PALM: variants seen among roughly 807,000 people sequenced by gnomAD.
PALM encodes paralemmin.
Under a neutral mutation model 30.7 loss-of-function variants are expected in PALM, and 18 were observed. The ratio of observed to expected loss-of-function variants is 0.59; its 90% CI spans 0.41 to 0.87. The LOEUF (loss-of-function observed/expected upper bound fraction) is 0.87. Ranked by LOEUF, PALM falls within the 40% of genes least tolerant of loss-of-function variation. The probability of loss-of-function intolerance (pLI) is 0.00; values close to 1 mark genes in which losing one functional copy is unlikely to be tolerated. For missense variants in PALM, 529 were observed against 555.4 expected (o/e 0.95, Z 0.48); for synonymous variants, 286 against 242.8 (o/e 1.18, Z -1.66).
chr19:740,579 A>C, intron 8 of PALM, 96 bp downstream of exon 8: 1 of 1,162,626 alleles, frequency 8.6e-7, no homozygotes, highest in Non-Finnish European at 1.2e-6. Flanking sequence ...CCCCGGAATC[A>C]GGACCCCGAT....
At chr19:713,825 G>T (rs1193617637) in intron 1 of PALM, among the ~76,000 whole-genome samples, 1 of 151,880 alleles carries the variant, frequency 6.6e-6, no homozygotes, top group East Asian at 1.9e-4. Context: ...CAAGTGATCC[G>T]CCTGCCTCAG....
intron 8 of PALM, among the ~76,000 whole-genome samples, chr19:745,994 C>G (rs1415662380): frequency 1.3e-5 from 2 of 151,888 alleles, no homozygotes; most frequent in Non-Finnish European, 2.9e-5. Context: ...GGAGGTGGAG[C>G]TTGCAGTGAG....
At chr19:731,898 G>A (rs1264066775) in intron 5 of PALM, among the ~76,000 whole-genome samples, 1 of 151,954 alleles carries the variant, frequency 6.6e-6, no homozygotes, top group Non-Finnish European at 1.5e-5. Flanking sequence ...CTGACCTCAG[G>A]TGATCCACCC....
At chr19:736,226 C>T (rs1050762991) in intron 7 of PALM, 148 bp downstream of exon 7, 5 of 573,706 alleles carry the variant, frequency 8.7e-6, no homozygotes, top group African/African-American at 3.9e-5. Context: ...GCAGCTGGAC[C>T]GAGGCCGAGG....
rs1483528943 is a variant in PALM at position 709,169 on chromosome 19, G to C, written c.5+18G>C. On this transcript the variant is annotated intron_variant, in intron 1 of 8. Transcript: ENST00000338448. The surrounding 1 kb of genome is among the most constrained non-coding windows in gnomAD (Gnocchi z 4.3). ...GAGATGGAGTGAGTAGGCGCGCTCG[G>C]GCCGCGGGGCTGGGGGCCCGGAGCT... 13 of 323,552 alleles carry C rather than the reference G, an allele frequency of 4.0e-5. No homozygotes were observed. Among genetic ancestry groups the C allele is most frequent in the Non-Finnish European group, 1.1e-5 (2 of 177,772 alleles). 20.0% of individuals were successfully genotyped at this position (323,552 alleles called of 1,614,324 possible). A position where few individuals can be genotyped will look rare whatever the true frequency, so the allele number is the denominator to read the frequency against.
intron 1 of PALM, among the ~76,000 whole-genome samples, chr19:717,716 G>A (rs1398902559): frequency 6.6e-6 from 1 of 151,994 alleles, no homozygotes; most frequent in Non-Finnish European, 1.5e-5. Flanking sequence ...GATGACAGGT[G>A]GCCCTGGGAG....
At position 727,627 on chromosome 19, in the gene PALM, G is replaced by A. The variant is rs1162854586; in HGVS notation, c.202G>A (p.Glu68Lys). Residue 68 changes from glutamate (E) to lysine (K), a missense_variant, in exon 4 of 9, where the codon GAG (glutamate) becomes AAG (lysine). Transcript: ENST00000338448. ...GTPSSASEGD[E>K]DLRRQMQDDE... ...GCCGTCCTCGGCCTCAGAGGGGGAT[G>A]AGGACCTGAGGAGGCAGATGCAGGA... The A allele has an allele frequency of 6.3e-7, 1 of 1,575,194 alleles. No homozygotes were observed. Among genetic ancestry groups the A allele is most frequent in the Admixed American group, 1.9e-5 (1 of 53,334 alleles).
rs776615452 is a variant in PALM, at chr19:727,738, G to A, written c.269+44G>A. ...GTGCCACCGGGCTGGGTGGGGCCTC[G>A]GGGGCCGCTGGCTCCCGGGAGGGTG... On this transcript the variant is annotated intron_variant, in intron 4 of 8. Transcript: ENST00000338448. 18 of 1,491,828 alleles carry A rather than the reference G, an allele frequency of 1.2e-5. No individual in the cohort carries two copies. The Admixed American group carries it at 1.5e-4, about 13-fold the overall frequency. The allele number at this position is 1,491,828 out of a possible 1,614,324, so 92.4% of individuals were successfully genotyped here. A position where few individuals can be genotyped will look rare whatever the true frequency, so the allele number is the denominator to read the frequency against.
intron 8 of PALM, 150 bp downstream of exon 8, chr19:740,633 C>T: frequency 4.0e-6 from 3 of 745,080 alleles, no homozygotes; most frequent in Admixed American, 3.0e-5. Flanking sequence ...GGCCTCACCC[C>T]CTGTGGCCCA....
At chr19:731,985 G>A (rs1172536655) in intron 5 of PALM, among the ~76,000 whole-genome samples, 1 of 151,922 alleles carries the variant, frequency 6.6e-6, no homozygotes, top group African/African-American at 2.4e-5. Flanking sequence ...TTCTGTGTTT[G>A]TTTTTGACAC....
At position 709,210 on chromosome 19, in the gene PALM, G is replaced by C. The variant is rs1360972199; in HGVS notation, c.5+59G>C. 4 of 308,600 alleles carry C rather than the reference G, an allele frequency of 1.3e-5. No homozygotes were observed. Among genetic ancestry groups the C allele is most frequent in the Admixed American group, 5.1e-5 (1 of 19,510 alleles). The allele number at this position is 308,600 out of a possible 1,614,324, so 19.1% of individuals were successfully genotyped here. On this transcript the variant is annotated intron_variant, in intron 1 of 8. Transcript: ENST00000338448. The surrounding 1 kb of genome is among the most constrained non-coding windows in gnomAD (Gnocchi z 4.3). ...GCCCGGAGCTCCGGGAGCCGGGGAG[G>C]GGGGAGGCCCCCTCTCTCGCGCCCC...
At chr19:733,838 T>C (rs923659699) in intron 5 of PALM, among the ~76,000 whole-genome samples, 2 of 151,782 alleles carry the variant, frequency 1.3e-5, no homozygotes, top group African/African-American at 4.8e-5. Context: ...AATACAAAAT[T>C]AGCCAGGTGC....
chr19:709,209 G>C lies in PALM; in HGVS notation c.5+58G>C, dbSNP rs564807726. The C allele has an allele frequency of 9.8e-6, 3 of 307,150 alleles. No homozygotes were observed. Among genetic ancestry groups the C allele is most frequent in the Non-Finnish European group, 1.2e-5 (2 of 166,882 alleles). The allele number at this position is 307,150 out of a possible 1,614,324, so 19.0% of individuals were successfully genotyped here. A position where few individuals can be genotyped will look rare whatever the true frequency, so the allele number is the denominator to read the frequency against. On this transcript the variant is annotated intron_variant, in intron 1 of 8. Coordinates refer to ENST00000338448, the MANE Select transcript of PALM (RefSeq NM_002579.3). The surrounding 1 kb of genome is among the most constrained non-coding windows in gnomAD (Gnocchi z 4.3). ...GGCCCGGAGCTCCGGGAGCCGGGGAGGGGGGAGGCCCCCTCTCTCGCGCCC... is the reference window on the plus strand; with the variant it reads ...GGCCCGGAGCTCCGGGAGCCGGGGACGGGGGAGGCCCCCTCTCTCGCGCCC...
At chr19:719,360 A>C (rs1016630854) in intron 1 of PALM, 1 of 985,368 alleles carries the variant, frequency 1.0e-6, no homozygotes, top group Non-Finnish European at 1.2e-6. Flanking sequence ...CTCCTGGAGC[A>C]GGACTATCTC....
In PALM at chr19:727,000, C is replaced by CCCCCCCCCCG; in HGVS notation, c.58-5_58-4insCCCCCCGCCC. 3 of 1,446,492 alleles carry CCCCCCCCCCG rather than the reference C, an allele frequency of 2.1e-6. No individual in the cohort carries two copies. The highest frequency in any genetic ancestry group is 2.8e-6 in the Non-Finnish European group (3 of 1,055,336). 89.6% of individuals were successfully genotyped at this position (1,446,492 alleles called of 1,614,324 possible). ...CCCATCCCTGACCCCACCCGGCCCT[C>CCCCCCCCCCG]CCCACAGGAGAAGCGGAAGCGGCAG... On this transcript the variant is annotated splice_polypyrimidine_tract_variant and splice_region_variant and intron_variant, in intron 2 of 8. Coordinates refer to ENST00000338448, the MANE Select transcript of PALM (RefSeq NM_002579.3).
chr19:734,157 CTCT>C lies in PALM; in HGVS notation c.421-11_421-9del, dbSNP rs764916124. On this transcript the variant is annotated splice_polypyrimidine_tract_variant and intron_variant, in intron 5 of 8. Coordinates refer to ENST00000338448, the MANE Select transcript of PALM (RefSeq NM_002579.3). ...GGATGCTGACGCCCCTGACCCTTCTCTCTTCTTTCTTGCAGACGCCGGTGGGCA... is the reference window on the plus strand; with the variant it reads ...GGATGCTGACGCCCCTGACCCTTCTCTCTTTCTTGCAGACGCCGGTGGGCA... The C allele has an allele frequency of 5.0e-6, 8 of 1,613,830 alleles. No homozygotes were observed. The highest frequency in any genetic ancestry group is 2.7e-5 in the African/African-American group (2 of 74,922).
In PALM at chr19:726,187, G is replaced by A. The variant is rs763907757; in HGVS notation, c.55G>A (p.Ala19Thr). 49 of 1,612,790 alleles carry A rather than the reference G, an allele frequency of 3.0e-5. No individual in the cohort carries two copies. The highest frequency in any genetic ancestry group is 4.0e-5 in the African/African-American group (3 of 74,946). ...TSQQERLQAI[A>T]EKRKRQAEIE... ...CCAGCAGGAGCGGCTGCAGGCCATC[G>A]CAGTGAGTTTCCGCCGCCCCGCAGA... is the stretch of plus-strand genomic sequence containing the variant. The change falls in exon 2 of 9, where the codon GCA (alanine) becomes ACA (threonine). Residue 19 changes from alanine (A) to threonine (T), a missense_variant and splice_region_variant. Ala to Thr is a moderately conservative substitution (Grantham distance 58). Transcript: ENST00000338448.
At position 747,021 on chromosome 19, in the gene PALM, G is replaced by A; in HGVS notation, c.*207G>A. The A allele has an allele frequency of 1.7e-6, 1 of 579,250 alleles. No individual in the cohort carries two copies. Among genetic ancestry groups the A allele is most frequent in the Non-Finnish European group, 3.1e-6 (1 of 325,274 alleles). The allele number at this position is 579,250 out of a possible 1,614,324, so 35.9% of individuals were successfully genotyped here. A position where few individuals can be genotyped will look rare whatever the true frequency, so the allele number is the denominator to read the frequency against. On this transcript the variant is annotated 3_prime_UTR_variant, in exon 9 of 9. Transcript: ENST00000338448. ...GCCCCAACACTCCCCCCGAACCAGA[G>A]CCGTGCACTTGTGCCTGGTAGGAGA... is the stretch of plus-strand genomic sequence containing the variant.
In PALM at chr19:727,002, C is replaced by CCCCCCG; in HGVS notation, c.58-5_58-4insCCCCGC. On this transcript the variant is annotated splice_polypyrimidine_tract_variant and splice_region_variant and intron_variant, in intron 2 of 8. Coordinates refer to ENST00000338448, the MANE Select transcript of PALM (RefSeq NM_002579.3). The stretch of plus-strand genomic sequence containing the variant: ...CATCCCTGACCCCACCCGGCCCTCC[C>CCCCCCG]CACAGGAGAAGCGGAAGCGGCAGGC... 2.6e-6 allele frequency: 4 copies of CCCCCCG among 1,519,322 alleles called. No homozygotes were observed. Among genetic ancestry groups the CCCCCCG allele is most frequent in the Non-Finnish European group, 2.7e-6 (3 of 1,120,582 alleles). The allele number at this position is 1,519,322 out of a possible 1,614,324, so 94.1% of individuals were successfully genotyped here.
Sources: gnomAD v4.1 joint callset for allele counts (sites outside exome capture counted in the v4.1 genomes callset) on GRCh38, gnomAD v4.1.1 for gene constraint, Gnocchi (gnomAD v3.1) non-coding constraint, MANE v1.5 for transcripts, NCBI Gene and HGNC (gene_info 2026-07-23, HGNC 2026-07-21) for gene names.